Variants in WWOX observed in about 807,000 individuals in gnomAD.
WWOX encodes WW domain-containing oxidoreductase.
Under a neutral mutation model 46.2 loss-of-function variants are expected in WWOX, and 69 were observed. The ratio of observed to expected loss-of-function variants is 1.49; its 90% CI spans 1.23 to 1.82. The LOEUF (loss-of-function observed/expected upper bound fraction) is 1.82, where lower values mean the gene tolerates loss of function less well. Ranked by LOEUF, WWOX falls within the 40% of genes most tolerant of loss-of-function variation. The pLI is 0.00. For missense variants in WWOX, 919 were observed against 542.6 expected, an observed-to-expected ratio of 1.69 and a Z score of -6.89; for synonymous variants, 359 against 202.6, an observed-to-expected ratio of 1.77 and a Z score of -6.56.
At chr16:78,991,817 C>G (rs1294686759) in intron 8 of WWOX, among the ~76,000 whole-genome samples, 2 of 152,222 alleles carry the variant, frequency 1.3e-5, no homozygotes, top group Non-Finnish European at 2.9e-5. Context: ...TAGTTTTCAT[C>G]TCGGTGTTCA....
intron 4 of WWOX, among the ~76,000 whole-genome samples, chr16:78,157,105 T>G (rs984771060): frequency 6.6e-6 from 1 of 152,138 alleles, no homozygotes; most frequent in Non-Finnish European, 1.5e-5. Flanking sequence ...GATGAAACTG[T>G]GAAGAAAGAT....
At chr16:78,940,110 G>C (rs1009443099) in intron 8 of WWOX, among the ~76,000 whole-genome samples, 6 of 152,116 alleles carry the variant, frequency 3.9e-5, no homozygotes, top group Admixed American at 2.0e-4. Flanking sequence ...ATTTGGGCCA[G>C]GGTCTTCCGA....
chr16:78,357,405 C>G lies in WWOX; in HGVS notation c.517-29455C>G, dbSNP rs79562837. On this transcript the variant is annotated intron_variant, in intron 5 of 8. Transcript: ENST00000566780. Reference sequence around the variant, plus strand: ...TGCTTCTCCCTGCATAGCCACTTCTCTTTCCAGTGGTGTTTGTATTTTGGT... The same window carrying G: ...TGCTTCTCCCTGCATAGCCACTTCTGTTTCCAGTGGTGTTTGTATTTTGGT... 4.7e-3 allele frequency among the ~76,000 whole-genome samples: 723 copies of G among 152,290 alleles called. 7 individuals carry two copies. The highest frequency in any genetic ancestry group is 0.017 in the African/African-American group (693 of 41,560).
chr16:78,835,435 A>G (rs891626565), intron 8 of WWOX, among the ~76,000 whole-genome samples: 2 of 152,214 alleles, frequency 1.3e-5, no homozygotes, highest in Non-Finnish European at 2.9e-5. Flanking sequence ...TATTCCTTCA[A>G]TGTTACAAGC....
intron 8 of WWOX, chr16:78,994,489 C>T (rs1378469201): frequency 2.0e-5 from 3 of 152,144 alleles, no homozygotes; most frequent in Non-Finnish European, 2.9e-5. Flanking sequence ...ACTCCGGCAC[C>T]GAGGTACTTA....
At chr16:78,919,770 C>G (rs918332377) in intron 8 of WWOX, among the ~76,000 whole-genome samples, 1 of 152,134 alleles carries the variant, frequency 6.6e-6, no homozygotes, top group Non-Finnish European at 1.5e-5. Flanking sequence ...TCGCCTTGGC[C>G]TCCCAGAGTG....
At position 78,338,357 on chromosome 16, in the gene WWOX, C is replaced by T. The variant is rs567350340; in HGVS notation, c.517-48503C>T. Among the ~76,000 whole-genome samples, 23 of 121,446 alleles carry T rather than the reference C, an allele frequency of 1.9e-4. 6 individuals are homozygous for T. Among genetic ancestry groups the T allele is most frequent in the African/African-American group, 6.4e-4 (23 of 35,894 alleles). 79.7% of individuals were successfully genotyped at this position (121,446 alleles called of 152,430 possible). ...GAATAGTATGTGAAGTCTGTAGAGA[C>T]AAAATTGTTGTTTTCCCCAGTTGTA... On this transcript the variant is annotated intron_variant, in intron 5 of 8. Coordinates refer to ENST00000566780, the MANE Select transcript of WWOX (RefSeq NM_016373.4).
chr16:78,243,496 C>T (rs1160854571), intron 5 of WWOX, among the ~76,000 whole-genome samples: 3 of 151,952 alleles, frequency 2.0e-5, no homozygotes, highest in Non-Finnish European at 4.4e-5. Context: ...GGTGCTTTTT[C>T]GGTCCTCTCC....
At chr16:78,854,725 C>A (rs191388981) in intron 8 of WWOX, among the ~76,000 whole-genome samples, 22 of 152,122 alleles carry the variant, frequency 1.4e-4, no homozygotes, top group African/African-American at 5.3e-4. Context: ...GGATTACAGG[C>A]ACATGCCACC....
intron 6 of WWOX, among the ~76,000 whole-genome samples, chr16:78,413,144 CAG>C (rs1297416420): frequency 1.3e-5 from 2 of 152,158 alleles, no homozygotes; most frequent in South Asian, 4.1e-4. Context: ...TTAATCCACA[CAG>C]AGCCAGCTGT....
intron 8 of WWOX, among the ~76,000 whole-genome samples, chr16:78,789,840 T>G (rs944401071): frequency 1.3e-5 from 2 of 152,168 alleles, no homozygotes; most frequent in Non-Finnish European, 2.9e-5. Context: ...ATATTTTCGT[T>G]AATTCCTGTG....
intron 8 of WWOX, among the ~76,000 whole-genome samples, chr16:78,932,021 T>G (rs916984653): frequency 2.0e-5 from 3 of 152,262 alleles, no homozygotes; most frequent in East Asian, 3.8e-4. Flanking sequence ...CACATTGGCC[T>G]TCTGCCGTGA....
intron 8 of WWOX, among the ~76,000 whole-genome samples, chr16:78,575,524 C>T (rs796773342): frequency 1.2e-4 from 19 of 152,144 alleles, no homozygotes; most frequent in African/African-American, 4.3e-4. Flanking sequence ...TTCACCCCAT[C>T]CTAAGATCTT....
intron 5 of WWOX, among the ~76,000 whole-genome samples, chr16:78,229,646 C>G (rs1370682184): frequency 3.3e-5 from 5 of 151,936 alleles, no homozygotes; most frequent in Non-Finnish European, 1.5e-5. Flanking sequence ...GTCTCAGACT[C>G]ACAGTCTGTA....
chr16:79,040,761 C>A (rs4374182), intron 8 of WWOX, among the ~76,000 whole-genome samples: 11,049 of 152,002 alleles, frequency 0.073, 506 homozygotes, highest in African/African-American at 0.14. Context: ...AGCCAGGGAA[C>A]CTGACACTCT....
chr16:78,461,521 T>TCAAA (rs1597117918), intron 8 of WWOX, among the ~76,000 whole-genome samples: 4 of 152,298 alleles, frequency 2.6e-5, no homozygotes, highest in East Asian at 1.9e-4. Context: ...TAAAGGCAAG[T>TCAAA]CAAACAGATC....
chr16:78,406,306 ATATATATATATATATATATATATATATAT>A (rs2082534342), intron 6 of WWOX, among the ~76,000 whole-genome samples: 1 of 8,488 alleles, frequency 1.2e-4, no homozygotes, highest in African/African-American at 1.2e-3. Flanking sequence ...AAATATAAAT[ATATATATATATATATATATATATATATAT>A]ATATATATAT....
chr16:78,422,048 T>A (rs373943079), intron 6 of WWOX, among the ~76,000 whole-genome samples: 1 of 152,356 alleles, frequency 6.6e-6, no homozygotes, highest in Non-Finnish European at 1.5e-5. Flanking sequence ...TATTTACTAC[T>A]AGTGTAGTTG....
intron 8 of WWOX, among the ~76,000 whole-genome samples, chr16:78,827,470 A>T (rs2051689947): frequency 6.6e-6 from 1 of 152,000 alleles, no homozygotes; most frequent in Non-Finnish European, 1.5e-5. Flanking sequence ...GTTTCTCCTT[A>T]ACACATTTCC....
Sources: gnomAD v4.1 joint callset for allele counts (sites outside exome capture counted in the v4.1 genomes callset) on GRCh38, gnomAD v4.1.1 for gene constraint, MANE v1.5 for transcripts, NCBI Gene and HGNC (gene_info 2026-07-23, HGNC 2026-07-21) for gene names.